Variants in CSMD1 observed in about 807,000 individuals in gnomAD.
CSMD1 encodes the protein CUB and Sushi multiple domains 1.
A neutral mutation model predicts 417.5 loss-of-function variants in CSMD1; 213 were observed. The observed-to-expected ratio is 0.51, with a 90% CI of 0.46 to 0.57. The LOEUF (loss-of-function observed/expected upper bound fraction) is 0.57. CSMD1 is among the 20% of genes least tolerant of loss of function. CSMD1 has a pLI of 0.00. For synonymous variants in CSMD1, 2,862 were observed against 1,736.8 expected (o/e 1.65, Z -16.11); for missense variants, 6,923 against 4,529.7 (o/e 1.53, Z -15.17).
chr8:3,314,084 C>T (rs1294595838), intron 23 of CSMD1, among the ~76,000 whole-genome samples: 1 of 150,086 alleles, frequency 6.7e-6, no homozygotes, highest in Non-Finnish European at 1.5e-5. Context: ...AACACATGGA[C>T]ACAGGAAGGG....
intron 2 of CSMD1, among the ~76,000 whole-genome samples, chr8:4,431,686 A>C (rs1201077263): frequency 6.6e-6 from 1 of 152,208 alleles, no homozygotes; most frequent in Non-Finnish European, 1.5e-5. Flanking sequence ...ATGAAACAAA[A>C]GAATCCTAAA....
intron 5 of CSMD1, among the ~76,000 whole-genome samples, chr8:3,931,369 G>C (rs143616041): frequency 1.3e-5 from 2 of 150,344 alleles, no homozygotes; most frequent in Admixed American, 6.6e-5. Flanking sequence ...CATTTCTCAG[G>C]CTTCTATTTG....
chr8:3,926,030 CACACACACACACAAACACCATAT>C (rs1175979849), intron 5 of CSMD1, among the ~76,000 whole-genome samples: 48 of 131,990 alleles, frequency 3.6e-4, no homozygotes, highest in African/African-American at 1.1e-3. Context: ...CACACACACA[CACACACACACACAAACACCATAT>C]ACACACACAC....
At chr8:4,191,086 T>G (rs965674923) in intron 3 of CSMD1, among the ~76,000 whole-genome samples, 2 of 145,534 alleles carry the variant, frequency 1.4e-5, no homozygotes, top group Non-Finnish European at 2.9e-5. Context: ...TGGATTAAAA[T>G]AAAATAAAAG....
intron 10 of CSMD1, among the ~76,000 whole-genome samples, chr8:3,555,829 G>A (rs1412192520): frequency 6.6e-6 from 1 of 152,084 alleles, no homozygotes. Context: ...AATCTTCGGT[G>A]CCAAAAGTTT....
At chr8:4,442,364 T>A (rs1203359376) in intron 2 of CSMD1, among the ~76,000 whole-genome samples, 1 of 152,204 alleles carries the variant, frequency 6.6e-6, no homozygotes, top group Non-Finnish European at 1.5e-5. Flanking sequence ...CCCACACGTT[T>A]GCCTAGAGAT....
intron 12 of CSMD1, among the ~76,000 whole-genome samples, chr8:3,424,781 G>C (rs1235869791): frequency 5.3e-5 from 8 of 152,132 alleles, no homozygotes; most frequent in Non-Finnish European, 8.8e-5. Flanking sequence ...ACCCTTATTT[G>C]ACTTAACAAT....
chr8:4,143,273 A>G (rs536594751), intron 3 of CSMD1, among the ~76,000 whole-genome samples: 1 of 151,128 alleles, frequency 6.6e-6, no homozygotes, highest in Admixed American at 6.6e-5. Flanking sequence ...GTCCTCAAAG[A>G]AATTTCTCCT....
intron 1 of CSMD1, among the ~76,000 whole-genome samples, chr8:4,742,174 G>C (rs989078444): frequency 2.0e-5 from 3 of 151,174 alleles, no homozygotes; most frequent in Non-Finnish European, 3.0e-5. Context: ...GGGACTACAG[G>C]CGCCCGCCAC....
intron 2 of CSMD1, among the ~76,000 whole-genome samples, chr8:4,560,742 CT>C (rs1280693909): frequency 2.0e-5 from 3 of 152,186 alleles, no homozygotes; most frequent in South Asian, 2.1e-4. Flanking sequence ...CGGTTCCCAT[CT>C]TTCCTTCCTC....
Position 2,949,302 on chromosome 8 carries a change from G to C in CSMD1, c.10399C>G (p.Gln3467Glu). The C allele has an allele frequency of 1.3e-6, 2 of 1,569,244 alleles. No homozygotes were observed. Among genetic ancestry groups the C allele is most frequent in the Non-Finnish European group, 1.7e-6 (2 of 1,143,606 alleles). ...ATATATCCTAAGTGCAACTTACCTT[G>C]CCTTTCTAGCTTAAATTTTCCAAAG... ...KDFGKFKLER[Q>E]DPLNPDQDSS... Residue 3467 changes from glutamine (Q) to glutamate (E), a missense_variant, in exon 68 of 70, where the codon CAA becomes GAA. Physicochemically the swap from Gln to Glu is conservative, Grantham distance 29. Transcript: ENST00000635120.
chr8:4,548,200 C>G (rs761427616), intron 2 of CSMD1, among the ~76,000 whole-genome samples: 13 of 152,048 alleles, frequency 8.5e-5, no homozygotes, highest in Non-Finnish European at 1.6e-4. Flanking sequence ...TAACATAGCG[C>G]CGTCAAAAAT....
intron 3 of CSMD1, among the ~76,000 whole-genome samples, chr8:4,188,004 A>G (rs1647304): frequency 0.11 from 16,880 of 152,028 alleles, 1,218 homozygotes; most frequent in Middle Eastern, 0.2. Flanking sequence ...TAAAAAGCCA[A>G]TACCTTTTTT....
rs147499217 is a variant in CSMD1 at position 4,383,879 on chromosome 8, C to G, written c.415+36074G>C. On this transcript the variant is annotated intron_variant, in intron 3 of 69. Coordinates refer to ENST00000635120, the MANE Select transcript of CSMD1 (RefSeq NM_033225.6). The stretch of plus-strand genomic sequence containing the variant: ...AACAGAATTTTAAAGAAGAAAATAT[C>G]TTAAAATATATTTTAGATACTCATA... 3.8e-3 allele frequency among the ~76,000 whole-genome samples: 581 copies of G among 152,134 alleles called. 3 individuals are homozygous for G. Among genetic ancestry groups the G allele is most frequent in the African/African-American group, 0.013 (554 of 41,510 alleles).
intron 4 of CSMD1, among the ~76,000 whole-genome samples, chr8:4,022,960 G>T (rs539760354): frequency 6.6e-6 from 1 of 152,200 alleles, no homozygotes; most frequent in Non-Finnish European, 1.5e-5. Context: ...TTCAAAATTT[G>T]AGGGCAAATA....
chr8:3,465,570 G>T (rs1381258484), intron 12 of CSMD1, among the ~76,000 whole-genome samples: 1 of 152,104 alleles, frequency 6.6e-6, no homozygotes, highest in Non-Finnish European at 1.5e-5. Flanking sequence ...CAGTGCCCAA[G>T]GTAGCAGAGA....
At chr8:3,808,497 G>A (rs1040044457) in intron 5 of CSMD1, among the ~76,000 whole-genome samples, 1 of 152,146 alleles carries the variant, frequency 6.6e-6, no homozygotes, top group Non-Finnish European at 1.5e-5. Flanking sequence ...TCTGCCTTAT[G>A]AAGAAAGACT....
At chr8:3,798,811 G>A (rs192460867) in intron 5 of CSMD1, among the ~76,000 whole-genome samples, 3 of 151,030 alleles carry the variant, frequency 2.0e-5, no homozygotes, top group African/African-American at 7.4e-5. Flanking sequence ...TTATAAATTC[G>A]TGTTGGTTGA....
At chr8:4,049,699 T>G (rs1271569336) in intron 3 of CSMD1, among the ~76,000 whole-genome samples, 1 of 152,176 alleles carries the variant, frequency 6.6e-6, no homozygotes, top group African/African-American at 2.4e-5. Flanking sequence ...TCTTAATAAA[T>G]TTTCAAATTT....
Sources: allele counts gnomAD v4.1 joint callset (sites outside exome capture counted in the v4.1 genomes callset), GRCh38; gene constraint gnomAD v4.1.1; transcripts MANE v1.5; gene names NCBI Gene and HGNC (gene_info 2026-07-23, HGNC 2026-07-21).